The following NRP2 variants were observed in gnomAD, a reference collection of about 807,000 sequenced individuals.
NRP2 encodes neuropilin 2, also known as neuropilin-2.
A neutral mutation model predicts 110.4 loss-of-function variants in NRP2; 52 were observed. The ratio of observed to expected loss-of-function variants is 0.47; its 90% CI spans 0.38 to 0.59. NRP2 has a LOEUF of 0.59. Ranked by LOEUF, NRP2 falls within the 20% of genes least tolerant of loss-of-function variation. The pLI, the probability that NRP2 is intolerant of heterozygous loss-of-function variation, is 0.00. For synonymous variants in NRP2, 508 were observed against 468.9 expected (o/e 1.08, Z -1.08); for missense variants, 1,049 against 1,203.0 (o/e 0.87, Z 1.89).
intron 12 of NRP2, chr2:205,759,629 A>T (rs2057789078): frequency 6.6e-6 from 1 of 152,226 alleles, no homozygotes; most frequent in African/African-American, 2.4e-5. Flanking sequence ...TTTCTGGAGA[A>T]AGAGCAGATA....
intron 6 of NRP2, among the ~76,000 whole-genome samples, chr2:205,727,344 C>T (rs78831204): frequency 0.013 from 2,010 of 152,314 alleles, 32 homozygotes; most frequent in African/African-American, 0.044. Flanking sequence ...GGTCAGGACT[C>T]GGTGCATAAG....
In NRP2 at chr2:205,795,005, G is replaced by A. The variant is rs181038825; in HGVS notation, c.2728G>A (p.Gly910Ser). Residue 910 changes from glycine to serine, a missense_variant, in exon 17 of 17, where the codon GGC becomes AGC. By Grantham distance (56) the Gly-to-Ser change is moderately conservative. Transcript: ENST00000357785. ...LENYNFELYDGLKHKVKMNHQ... is the reference protein window; with the variant it reads ...LENYNFELYDSLKHKVKMNHQ... ...GAACTACAACTTCGAGCTCTACGATGGCCTTAAGCACAAGGTCAAGATGAA... is the reference window on the plus strand; with the variant it reads ...GAACTACAACTTCGAGCTCTACGATAGCCTTAAGCACAAGGTCAAGATGAA... The A allele has an allele frequency of 6.8e-6, 11 of 1,614,124 alleles. No individual in the cohort carries two copies. In the African/African-American group the frequency reaches 1.3e-4, roughly 20 times the overall value.
At chr2:205,698,575 C>T (rs1017589484) in intron 2 of NRP2, among the ~76,000 whole-genome samples, 6 of 152,266 alleles carry the variant, frequency 3.9e-5, no homozygotes, top group African/African-American at 9.6e-5. Context: ...ATGTTACTAC[C>T]GAGGTCCCTA....
intron 4 of NRP2, 54 bp from the exon 5 acceptor site, chr2:205,723,731 A>AC: frequency 6.2e-7 from 1 of 1,602,860 alleles, no homozygotes; most frequent in Non-Finnish European, 8.5e-7. Context: ...ACGGAGTGAA[A>AC]ACCAAGTTTG....
At chr2:205,757,351 C>A (rs2057750281) in intron 12 of NRP2, among the ~76,000 whole-genome samples, 1 of 152,080 alleles carries the variant, frequency 6.6e-6, no homozygotes, top group African/African-American at 2.4e-5. Context: ...GTTAACACCT[C>A]ACTGGGGCTA....
chr2:205,687,516 G>T (rs2056200048), intron 1 of NRP2, among the ~76,000 whole-genome samples: 1 of 152,198 alleles, frequency 6.6e-6, no homozygotes. Flanking sequence ...CAAGACAGTG[G>T]CAAGAGGAGC....
rs563481277 is a variant in NRP2 at position 205,684,289 on chromosome 2, G to A, written c.73+926G>A. ...CTTCCTTCTCGGACCACTCTCTAGA[G>A]TGAGCCTCCCTACCCCTCTGAGAAC... On this transcript the variant is annotated intron_variant, in intron 1 of 16. Transcript: ENST00000357785. Among the ~76,000 whole-genome samples the A allele has an allele frequency of 4.1e-4, 63 of 152,292 alleles. 1 individual carries two copies. The highest frequency in any genetic ancestry group is 1.2e-3 in the African/African-American group (49 of 41,562).
chr2:205,730,843 AG>A (rs1308758034), intron 7 of NRP2, among the ~76,000 whole-genome samples: 1 of 152,250 alleles, frequency 6.6e-6, no homozygotes, highest in Non-Finnish European at 1.5e-5. Context: ...GGCAAGGCCT[AG>A]GCCTCTGAAA....
At chr2:205,752,209 AT>A (rs1186816147) in intron 11 of NRP2, among the ~76,000 whole-genome samples, 4 of 152,150 alleles carry the variant, frequency 2.6e-5, no homozygotes, top group Non-Finnish European at 5.9e-5. Flanking sequence ...GGTCCCTTCG[AT>A]TTGCTCTTAC....
At chr2:205,777,180 T>C (rs1363106559) in intron 15 of NRP2, 2 of 982,354 alleles carry the variant, frequency 2.0e-6, no homozygotes, top group East Asian at 2.3e-4. Context: ...TTCTGTTGGC[T>C]GTCATTGTCA....
At chr2:205,755,609 G>GAAA (rs147544807) in intron 12 of NRP2, among the ~76,000 whole-genome samples, 1 of 145,122 alleles carries the variant, frequency 6.9e-6, no homozygotes, top group Non-Finnish European at 1.5e-5. Flanking sequence ...TTCTCCATAG[G>GAAA]GAAAAAAAAA....
At chr2:205,764,290 C>T (rs2057875054) in intron 13 of NRP2, 1 of 293,684 alleles carries the variant, frequency 3.4e-6, no homozygotes, top group Admixed American at 5.0e-5. Context: ...CTGTGGAGCC[C>T]CTTCAGATCT....
At chr2:205,767,577 A>G (rs2105927566) in intron 15 of NRP2, 1 of 293,498 alleles carries the variant, frequency 3.4e-6, no homozygotes, top group East Asian at 1.0e-4. Flanking sequence ...CATCCAGGTT[A>G]TAAAAAAAAA....
intron 2 of NRP2, among the ~76,000 whole-genome samples, chr2:205,708,759 C>T (rs951928692): frequency 6.6e-6 from 1 of 152,186 alleles, no homozygotes; most frequent in African/African-American, 2.4e-5. Context: ...GTCAGACTTC[C>T]TCCTTTCTGA....
At chr2:205,721,871 G>A (rs1460590389) in intron 3 of NRP2, among the ~76,000 whole-genome samples, 4 of 152,188 alleles carry the variant, frequency 2.6e-5, no homozygotes, top group Admixed American at 2.0e-4. Context: ...CCACTACAGA[G>A]CAGCTCGTTT....
chr2:205,796,258 G>T lies in NRP2; in HGVS notation c.*1200G>T, dbSNP rs1224774754. On this transcript the variant is annotated 3_prime_UTR_variant, in exon 17 of 17. Coordinates refer to ENST00000357785, the MANE Select transcript of NRP2 (RefSeq NM_003872.3). The stretch of plus-strand genomic sequence containing the variant: ...TAGTAAACACCGACTTCTCCTTTGG[G>T]TTACAAACACCATTTCAACCTTTCG... 1.3e-5 allele frequency: 2 copies of T among 152,196 alleles called. No individual in the cohort carries two copies. The highest frequency in any genetic ancestry group is 6.5e-5 in the Admixed American group (1 of 15,268). The allele number at this position is 152,196 out of a possible 1,614,324, so 9.4% of individuals were successfully genotyped here.
rs372737222 is a variant in NRP2, at chr2:205,716,406, T to C, written c.433+32T>C. Reference sequence around the variant, plus strand: ...GTGGTCACACGTAGGGGCCGGGAGATGGGCGTCTTAGAGAAGAAGGAGGGA... The same window carrying C: ...GTGGTCACACGTAGGGGCCGGGAGACGGGCGTCTTAGAGAAGAAGGAGGGA... On this transcript the variant is annotated intron_variant, in intron 3 of 16. Transcript: ENST00000357785. 13 of 1,610,026 alleles carry C rather than the reference T, an allele frequency of 8.1e-6. No individual in the cohort carries two copies. The African/African-American group carries it at 1.3e-4, about 17-fold the overall frequency.
chr2:205,725,346 C>G lies in NRP2; in HGVS notation c.821-567C>G, dbSNP rs1322275869. Among the ~76,000 whole-genome samples, 1 of 152,194 alleles carries G rather than the reference C, an allele frequency of 6.6e-6. No homozygotes were observed. Among genetic ancestry groups the G allele is most frequent in the Non-Finnish European group, 1.5e-5 (1 of 68,040 alleles). ...GGGCCAGAGTAAGTGACTTCTGGGT[C>G]TATTTGTCCAGACAGGTGGTGCGGG... On this transcript the variant is annotated intron_variant, in intron 5 of 16. Coordinates refer to ENST00000357785, the MANE Select transcript of NRP2 (RefSeq NM_003872.3). The surrounding 1 kb of genome is among the most constrained non-coding windows in gnomAD (Gnocchi z 4.1).
Position 205,716,188 on chromosome 2 carries a change from C to A in NRP2, c.252-5C>A, listed in dbSNP as rs772785643. ...TCTTTTCTTGTCTGTGCCATCCCCA[C>A]CCAGGTATGACTTTATCGAGATTCG... is the stretch of plus-strand genomic sequence containing the variant. On this transcript the variant is annotated splice_region_variant and splice_polypyrimidine_tract_variant and intron_variant, in intron 2 of 16. Coordinates refer to ENST00000357785, the MANE Select transcript of NRP2 (RefSeq NM_003872.3). 3 of 1,614,124 alleles carry A rather than the reference C, an allele frequency of 1.9e-6. No individual in the cohort carries two copies. Among genetic ancestry groups the A allele is most frequent in the East Asian group, 2.2e-5 (1 of 44,868 alleles).
Sources: gnomAD v4.1 joint callset for allele counts (sites outside exome capture counted in the v4.1 genomes callset) on GRCh38, gnomAD v4.1.1 for gene constraint, Gnocchi (gnomAD v3.1) non-coding constraint, MANE v1.5 for transcripts, NCBI Gene and HGNC (gene_info 2026-07-23, HGNC 2026-07-21) for gene names.